HYDIN: variants seen among roughly 807,000 people sequenced by gnomAD.
The protein encoded by HYDIN is HYDIN axonemal central pair apparatus protein, also known as axonemal central pair apparatus protein HYDIN.
A neutral mutation model predicts 403.9 loss-of-function variants in HYDIN; 132 were observed. The ratio of observed to expected loss-of-function variants is 0.33; its 90% CI spans 0.28 to 0.38. The LOEUF is 0.38. HYDIN is among the 10% of genes least tolerant of loss of function. The pLI is 1.00. For synonymous variants in HYDIN, 1,202 were observed against 1,891.7 expected, an observed-to-expected ratio of 0.64 and a Z score of 9.46; for missense variants, 2,827 against 5,009.5, an observed-to-expected ratio of 0.56 and a Z score of 13.15.
In HYDIN at chr16:70,806,962, A is replaced by T. The variant is rs1254066954; in HGVS notation, c.*618T>A. ...GGTGGGGGGAGCTGGGATCTCTATT[A>T]GCCTTTCTCCAGGGCCTAGACTTCA... On this transcript the variant is annotated 3_prime_UTR_variant, in exon 86 of 86. Transcript: ENST00000393567. Among the ~76,000 whole-genome samples, 2 of 152,112 alleles carry T rather than the reference A, an allele frequency of 1.3e-5. No homozygotes were observed. Among genetic ancestry groups the T allele is most frequent in the African/African-American group, 4.8e-5 (2 of 41,414 alleles).
intron 18 of HYDIN, among the ~76,000 whole-genome samples, chr16:71,057,279 C>T (rs1208454882): frequency 6.7e-6 from 1 of 149,632 alleles, no homozygotes; most frequent in Non-Finnish European, 1.5e-5. Context: ...ATGAGATCCA[C>T]ACAGTGCTAG....
At chr16:70,992,524 TA>T (rs138618707) in intron 23 of HYDIN, among the ~76,000 whole-genome samples, 10,451 of 146,664 alleles carry the variant, frequency 0.071, 434 homozygotes, top group Middle Eastern at 0.14. Flanking sequence ...TGAGGACTGG[TA>T]TCCAATATGG....
intron 5 of HYDIN, among the ~76,000 whole-genome samples, chr16:71,174,273 A>G (rs2086577500): frequency 6.6e-6 from 1 of 152,182 alleles, no homozygotes; most frequent in Non-Finnish European, 1.5e-5. Flanking sequence ...AACAAACCAC[A>G]TTAAATTCTC....
At chr16:71,061,861 A>AGTGTGTGTGTGTGTGTGTGT (rs66689823) in intron 17 of HYDIN, among the ~76,000 whole-genome samples, 28 of 144,120 alleles carry the variant, frequency 1.9e-4, no homozygotes, top group African/African-American at 7.1e-4. Context: ...CATGTGTGAC[A>AGTGTGTGTGTGTGTGTGTGT]GTGTGTGTGT....
chr16:70,974,956 G>T (rs1438461408), intron 31 of HYDIN, among the ~76,000 whole-genome samples, 180 bp downstream of exon 31: 2 of 152,108 alleles, frequency 1.3e-5, no homozygotes, highest in East Asian at 3.9e-4. Context: ...CACTCTAAGA[G>T]GCAGAAAGCT....
At chr16:70,902,802 T>C (rs1337810487) in intron 52 of HYDIN, among the ~76,000 whole-genome samples, 1 of 18,628 alleles carries the variant, frequency 5.4e-5, no homozygotes, top group African/African-American at 2.0e-4. Flanking sequence ...TAAATATATA[T>C]ATATATATAT....
Position 71,187,010 on chromosome 16 carries a change from G to A in HYDIN, c.-23-92C>T, listed in dbSNP as rs1597981447. ...TTTAAGCTTTTTCAAATACAGGAAG[G>A]TTTAGAAAATACTGATCTTCCGAAA... On this transcript the variant is annotated intron_variant, in intron 1 of 85. Coordinates refer to ENST00000393567, the MANE Select transcript of HYDIN (RefSeq NM_001270974.2). 4 of 780,572 alleles carry A rather than the reference G, an allele frequency of 5.1e-6. No homozygotes were observed. In the East Asian group the frequency reaches 7.9e-5, roughly 15 times the overall value. The allele number at this position is 780,572 out of a possible 1,614,324, so 48.4% of individuals were successfully genotyped here. A position where few individuals can be genotyped will look rare whatever the true frequency, so the allele number is the denominator to read the frequency against.
chr16:71,129,571 C>G, intron 9 of HYDIN, 69 bp downstream of exon 9: 1 of 1,439,430 alleles, frequency 6.9e-7, no homozygotes, highest in Non-Finnish European at 9.4e-7. Flanking sequence ...CAAGTGAGCG[C>G]TCTTATCAAA....
At chr16:70,835,090 T>G (rs2037330591) in intron 78 of HYDIN, among the ~76,000 whole-genome samples, 1 of 150,350 alleles carries the variant, frequency 6.7e-6, no homozygotes, top group South Asian at 2.1e-4. Flanking sequence ...CTCCGCCTCC[T>G]GGGTTCAAAC....
chr16:70,990,895 C>T (rs2079328794), intron 25 of HYDIN, among the ~76,000 whole-genome samples: 1 of 152,240 alleles, frequency 6.6e-6, no homozygotes, highest in Admixed American at 6.5e-5. Context: ...GATTGCATCA[C>T]ATCATGGACA....
At chr16:70,864,915 C>CT (rs1324628288) in intron 67 of HYDIN, among the ~76,000 whole-genome samples, 4 of 152,112 alleles carry the variant, frequency 2.6e-5, no homozygotes, top group African/African-American at 9.7e-5. Flanking sequence ...GCCGGCAAAA[C>CT]TTTATCTACA....
chr16:70,900,674 A>G (rs2076344198), intron 53 of HYDIN, among the ~76,000 whole-genome samples: 2 of 149,016 alleles, frequency 1.3e-5, no homozygotes, highest in African/African-American at 5.0e-5. Flanking sequence ...TGAAATCAGG[A>G]CTCTGATGCT....
chr16:70,843,960 T>C (rs2038022233), intron 75 of HYDIN, among the ~76,000 whole-genome samples: 1 of 138,434 alleles, frequency 7.2e-6, no homozygotes, highest in East Asian at 2.0e-4. Flanking sequence ...GTCAGATGAG[T>C]AGGTTGCGAA....
At chr16:70,950,537 T>C (rs1050564176) in intron 41 of HYDIN, among the ~76,000 whole-genome samples, 3 of 151,248 alleles carry the variant, frequency 2.0e-5, no homozygotes, top group African/African-American at 4.9e-5. Flanking sequence ...GGATTACAGG[T>C]GTAAGCCACT....
At chr16:71,186,963 C>G in intron 1 of HYDIN, 45 bp from the exon 2 acceptor site, 1 of 1,355,466 alleles carries the variant, frequency 7.4e-7, no homozygotes. Flanking sequence ...CAGTTAATTC[C>G]TGAATACAGG....
intron 21 of HYDIN, among the ~76,000 whole-genome samples, chr16:71,024,698 C>T (rs2080625220): frequency 7.2e-6 from 1 of 138,302 alleles, no homozygotes; most frequent in Non-Finnish European, 1.5e-5. Context: ...GATATCTCCT[C>T]CACCCCATCT....
intron 71 of HYDIN, among the ~76,000 whole-genome samples, chr16:70,858,748 G>A (rs1235518808): frequency 1.3e-5 from 2 of 152,200 alleles, no homozygotes; most frequent in African/African-American, 4.8e-5. Flanking sequence ...ATGGATTTTG[G>A]AACTTGCCTC....
At chr16:70,892,284 G>A in intron 56 of HYDIN, 77 bp downstream of exon 56, 2 of 1,526,728 alleles carry the variant, frequency 1.3e-6, no homozygotes, top group Non-Finnish European at 8.8e-7. Flanking sequence ...GCATGGATTA[G>A]GTCATGTATC....
Position 71,175,727 on chromosome 16 carries a change from C to T in HYDIN, c.396G>A (p.Val132=). The change falls in exon 5 of 86, where the codon GTG becomes GTA. Residue 132 remains valine (V), a synonymous_variant. Transcript: ENST00000393567. ...LRNNDKIPRL[V]KVVEESSPYF... The stretch of plus-strand genomic sequence containing the variant: ...AAGGCGAACTTTCTTCCACAACTTT[C>T]ACCAACCTTGGAATCTGCAGGGAAA... 1 of 1,614,192 alleles carries T rather than the reference C, an allele frequency of 6.2e-7. No homozygotes were observed. Among genetic ancestry groups the T allele is most frequent in the South Asian group, 1.1e-5 (1 of 91,084 alleles).
Sources: gnomAD v4.1 joint callset for allele counts (sites outside exome capture counted in the v4.1 genomes callset) on GRCh38, gnomAD v4.1.1 for gene constraint, MANE v1.5 for transcripts, NCBI Gene and HGNC (gene_info 2026-07-23, HGNC 2026-07-21) for gene names.